Variants in HTT-AS observed in about 807,000 individuals in gnomAD.
The protein encoded by HTT-AS is HTT antisense RNA, also known as HTT antisense RNA (head to head).
intron 1 of HTT-AS, among the ~76,000 whole-genome samples, chr4:3,073,662 A>G (rs979862459): frequency 6.6e-6 from 1 of 151,302 alleles, no homozygotes; most frequent in African/African-American, 2.4e-5. Context: ...CTGCGCTGGG[A>G]CCGATGGGGG....
At chr4:3,072,003 C>A (rs1560533268) in intron 1 of HTT-AS, among the ~76,000 whole-genome samples, 1 of 152,360 alleles carries the variant, frequency 6.6e-6, no homozygotes, top group South Asian at 2.1e-4. Flanking sequence ...GCTGCTGGAA[C>A]AAATCACCCC....
chr4:3,048,276 G>A (rs757307759), downstream of HTT-AS, among the ~76,000 whole-genome samples: 35 of 152,150 alleles, frequency 2.3e-4, no homozygotes, highest in African/African-American at 4.1e-4. Context: ...AGTTACCATC[G>A]TTTTGGGTTT....
intron 2 of HTT-AS, among the ~76,000 whole-genome samples, chr4:3,057,696 C>T (rs879201600): frequency 1.7e-4 from 26 of 151,458 alleles, no homozygotes; most frequent in African/African-American, 6.3e-4. Context: ...AGTGCAGTGG[C>T]GATCTCGGCT....
At chr4:3,062,511 C>T (rs1711948963) in exon 2 of HTT-AS, among the ~76,000 whole-genome samples, 1 of 152,102 alleles carries the variant, frequency 6.6e-6, no homozygotes, top group African/African-American at 2.4e-5. Context: ...GGTCAAACAC[C>T]TCCCCTCTGC....
intron 1 of HTT-AS, among the ~76,000 whole-genome samples, chr4:3,066,089 G>A (rs776129438): frequency 6.0e-5 from 9 of 151,102 alleles, no homozygotes; most frequent in Admixed American, 3.3e-4. Flanking sequence ...GGGTGGGAGC[G>A]CAGAGAGAGA....
exon 3 of HTT-AS, among the ~76,000 whole-genome samples, chr4:3,049,657 C>T (rs1200331839): frequency 6.6e-6 from 1 of 152,064 alleles, no homozygotes; most frequent in African/African-American, 2.4e-5. Context: ...ATGGCAAGGA[C>T]AGTCTTTCTC....
At chr4:3,071,651 G>A (rs1290805595) in intron 1 of HTT-AS, among the ~76,000 whole-genome samples, 1 of 152,136 alleles carries the variant, frequency 6.6e-6, no homozygotes, top group Non-Finnish European at 1.5e-5. Flanking sequence ...TCAGGTTGAT[G>A]TCCTAAGCCC....
At chr4:3,054,803 C>A (rs1711776634) in intron 2 of HTT-AS, among the ~76,000 whole-genome samples, 1 of 151,668 alleles carries the variant, frequency 6.6e-6, no homozygotes, top group South Asian at 2.1e-4. Flanking sequence ...CAACCTCTGC[C>A]CCCTGGGTTT....
chr4:3,057,301 G>A (rs556138827), intron 2 of HTT-AS, among the ~76,000 whole-genome samples: 16 of 152,172 alleles, frequency 1.1e-4, no homozygotes, highest in African/African-American at 3.9e-4. Flanking sequence ...CCAAAGTGCT[G>A]GGATTACAGG....
At chr4:3,064,724 C>T (rs575795817) in intron 1 of HTT-AS, among the ~76,000 whole-genome samples, 1 of 152,288 alleles carries the variant, frequency 6.6e-6, no homozygotes, top group Non-Finnish European at 1.5e-5. Flanking sequence ...TGTTAGCACA[C>T]CTTAGAGAGC....
intron 2 of HTT-AS, among the ~76,000 whole-genome samples, chr4:3,055,081 G>T (rs1425767398): frequency 6.6e-6 from 1 of 152,012 alleles, no homozygotes; most frequent in African/African-American, 2.4e-5. Flanking sequence ...AGGTGTGGTG[G>T]CTCACACCTG....
intron 1 of HTT-AS, among the ~76,000 whole-genome samples, chr4:3,067,620 A>G (rs1463065256): frequency 1.3e-5 from 2 of 152,186 alleles, no homozygotes; most frequent in African/African-American, 4.8e-5. Context: ...TTGTAGGGAA[A>G]TTGGAAGGGA....
At chr4:3,063,043 T>C (rs1231783929) in exon 2 of HTT-AS, among the ~76,000 whole-genome samples, 2 of 152,020 alleles carry the variant, frequency 1.3e-5, no homozygotes, top group Non-Finnish European at 2.9e-5. Context: ...TTGGAGCCTT[T>C]AGTAGGGGGT....
downstream of HTT-AS, among the ~76,000 whole-genome samples, chr4:3,048,166 C>G (rs1183570596): frequency 6.6e-6 from 1 of 152,092 alleles, no homozygotes; most frequent in Non-Finnish European, 1.5e-5. Flanking sequence ...TTTCTGTGAT[C>G]TCTCATCTCC....
chr4:3,053,339 C>A (rs1711747519), intron 2 of HTT-AS, among the ~76,000 whole-genome samples: 1 of 152,182 alleles, frequency 6.6e-6, no homozygotes, highest in African/African-American at 2.4e-5. Context: ...TCGAGACCAG[C>A]CTGGCCAACC....
intron 1 of HTT-AS, among the ~76,000 whole-genome samples, chr4:3,068,333 A>AGG (rs150030659): frequency 7.0e-6 from 1 of 142,332 alleles, no homozygotes; most frequent in Admixed American, 6.9e-5. Flanking sequence ...AAAAAAAAAA[A>AGG]GGGTGACGAA....
chr4:3,071,627 A>G (rs1712175751), intron 1 of HTT-AS, among the ~76,000 whole-genome samples: 1 of 152,160 alleles, frequency 6.6e-6, no homozygotes, highest in Admixed American at 6.5e-5. Context: ...TATGGGACGA[A>G]CTGTGTCCCT....
chr4:3,063,234 C>T (rs573655312), exon 2 of HTT-AS, among the ~76,000 whole-genome samples: 18 of 152,096 alleles, frequency 1.2e-4, no homozygotes, highest in African/African-American at 3.4e-4. Flanking sequence ...GTTTCAGTCC[C>T]GAGGGAAAGA....
At chr4:3,065,003 A>G (rs1350768070) in intron 1 of HTT-AS, among the ~76,000 whole-genome samples, 3 of 152,196 alleles carry the variant, frequency 2.0e-5, no homozygotes, top group Non-Finnish European at 4.4e-5. Context: ...CAGTAACACA[A>G]TATAATAGAT....
Sources: gnomAD v4.1 joint callset for allele counts (sites outside exome capture counted in the v4.1 genomes callset) on GRCh38, gnomAD v4.1.1 for gene constraint, MANE v1.5 for transcripts, NCBI Gene and HGNC (gene_info 2026-07-23, HGNC 2026-07-21) for gene names.